RGN: variants seen among roughly 807,000 people sequenced by gnomAD.
The protein encoded by RGN is regucalcin, also known as epididymis secretory protein Li 41.
A neutral mutation model predicts 20.6 loss-of-function variants in RGN; 19 were observed. The ratio of observed to expected loss-of-function variants is 0.92; its 90% CI spans 0.64 to 1.35. The LOEUF is 1.35. Among genes scored for constraint, RGN ranks in the 40% most tolerant of loss-of-function variants. The pLI is 0.00. For synonymous variants in RGN, 85 were observed against 87.2 expected, an observed-to-expected ratio of 0.97 and a Z score of 0.14; for missense variants, 302 against 232.7, an observed-to-expected ratio of 1.30 and a Z score of -1.94.
intron 5 of RGN, among the ~76,000 whole-genome samples, chrX:47,090,961 A>AAAGAAAGAAGGAAGGAAAGAAAGAAAG (rs1556387549): frequency 4.7e-5 from 3 of 63,599 alleles, no homozygotes; most frequent in African/African-American, 1.9e-4. Context: ...AGAAAGAAAG[A>AAAGAAAGAAGGAAGGAAAGAAAGAAAG]AAGAAAGAAA....
In RGN at chrX:47,089,941, T is replaced by C; in HGVS notation, c.512T>C (p.Leu171Pro). Residue 171 changes from leucine (L) to proline (P), a missense_variant, in exon 5 of 8, where the codon CTG becomes CCG. Transcript: ENST00000397180. The stretch of plus-strand genomic sequence containing the variant: ...AAAATCTTCTATTACATTGACAGCC[T>C]GTCCTACTCCGTGGATGCCTTTGAC... ...DHKIFYYIDS[L>P]SYSVDAFDYD... 1 of 1,208,801 alleles carries C rather than the reference T, an allele frequency of 8.3e-7. No homozygotes were observed. The highest frequency in any genetic ancestry group is 1.8e-5 in the South Asian group (1 of 56,643).
In RGN at chrX:47,093,076, A is replaced by G. The variant is rs1931083298; in HGVS notation, c.*129A>G. 1 of 524,177 alleles carries G rather than the reference A, an allele frequency of 1.9e-6. No homozygotes were observed. Among genetic ancestry groups the G allele is most frequent in the Non-Finnish European group, 3.1e-6 (1 of 321,095 alleles). The allele number at this position is 524,177 out of a possible 1,213,427, so 43.2% of individuals were successfully genotyped here. On this transcript the variant is annotated 3_prime_UTR_variant, in exon 8 of 8. Coordinates refer to ENST00000397180, the MANE Select transcript of RGN (RefSeq NM_152869.4). Reference sequence around the variant, plus strand: ...TTAACAGCGTTAAGTTTTAATTTACAACTTTTAAAAGGCAGAGCATTTTTA... The same window carrying G: ...TTAACAGCGTTAAGTTTTAATTTACGACTTTTAAAAGGCAGAGCATTTTTA...
chrX:47,089,579 T>TA (rs1569540569), intron 4 of RGN, among the ~76,000 whole-genome samples, 197 bp from the exon 5 acceptor site: 2 of 44,129 alleles, frequency 4.5e-5, no homozygotes, highest in African/African-American at 8.3e-5. Flanking sequence ...TATATATACT[T>TA]TATATATATA....
intron 5 of RGN, among the ~76,000 whole-genome samples, chrX:47,090,256 AAT>A (rs1269922385): frequency 1.8e-5 from 2 of 111,174 alleles, no homozygotes; most frequent in Non-Finnish European, 3.8e-5. Context: ...AATTAATACA[AAT>A]ATGGGTAGAT....
At chrX:47,081,533 G>T (rs372919878) in intron 3 of RGN, among the ~76,000 whole-genome samples, 1,005 of 88,354 alleles carry the variant, frequency 0.011, 10 homozygotes, top group Non-Finnish European at 0.017. Flanking sequence ...GGGGGGGGGG[G>T]TGTTTTTGTT....
chrX:47,092,856 A>C, intron 7 of RGN, 41 bp from the exon 8 acceptor site: 1 of 1,113,669 alleles, frequency 9.0e-7, no homozygotes, highest in Non-Finnish European at 1.2e-6. Flanking sequence ...ATACTTGTGA[A>C]TTACCTTTCA....
intron 3 of RGN, among the ~76,000 whole-genome samples, chrX:47,083,947 G>T (rs1203355234): frequency 1.8e-5 from 2 of 110,098 alleles, no homozygotes; most frequent in Non-Finnish European, 3.8e-5. Flanking sequence ...TGCAAATCCT[G>T]GATTGGAGAG....
chrX:47,089,863 A>G lies in RGN; in HGVS notation c.434A>G (p.Lys145Arg), dbSNP rs782453942. ...CTCTTTCCTGATCACCACGTGAAAA[A>G]GTACTTTGACCAGGTGGACATTTCC... ...YSLFPDHHVKKYFDQVDISNG... is the reference protein window; with the variant it reads ...YSLFPDHHVKRYFDQVDISNG... Residue 145 changes from lysine (K) to arginine (R), a missense_variant, in exon 5 of 8, where the codon AAG becomes AGG. Physicochemically the swap from Lys to Arg is conservative, Grantham distance 26 (BLOSUM62 2). Transcript: ENST00000397180. 4.3e-5 allele frequency: 52 copies of G among 1,205,903 alleles called. No individual in the cohort carries two copies. The East Asian group carries it at 1.5e-3, about 34-fold the overall frequency.
intron 2 of RGN, 47 bp from the exon 3 acceptor site, chrX:47,081,083 T>G (rs1390133447): frequency 2.1e-6 from 2 of 967,688 alleles, no homozygotes; most frequent in Non-Finnish European, 2.9e-6. Context: ...TTTTACTGTA[T>G]TTGTTCTGTG....
intron 3 of RGN, among the ~76,000 whole-genome samples, chrX:47,081,593 G>T (rs1556381499): frequency 9.1e-6 from 1 of 109,534 alleles, no homozygotes; most frequent in Non-Finnish European, 1.9e-5. Context: ...TGTTGCCCTG[G>T]CTGGAGTGCC....
chrX:47,091,584 A>T, intron 5 of RGN, 94 bp from the exon 6 acceptor site: 1 of 993,918 alleles, frequency 1.0e-6, no homozygotes, highest in Non-Finnish European at 1.4e-6. Context: ...ATCTGTATTT[A>T]TAACCAGCTT....
rs1569540609 is a variant in RGN at position 47,089,821 on chromosome X, A to G, written c.392A>G (p.Gln131Arg). Residue 131 changes from glutamine (Q) to arginine (R), a missense_variant, in exon 5 of 8, where the codon CAG (glutamine) becomes CGG (arginine). Coordinates refer to ENST00000397180, the MANE Select transcript of RGN (RefSeq NM_152869.4). Reference protein sequence around the residue: ...ETAPAVLERHQGALYSLFPDH... With the variant: ...ETAPAVLERHRGALYSLFPDH... The stretch of plus-strand genomic sequence containing the variant: ...GCTCCAGCAGTTCTTGAGCGGCACC[A>G]GGGGGCCCTGTACTCCCTCTTTCCT... 2 of 1,208,046 alleles carry G rather than the reference A, an allele frequency of 1.7e-6. No individual in the cohort carries two copies. Among genetic ancestry groups the G allele is most frequent in the Non-Finnish European group, 2.2e-6 (2 of 894,345 alleles).
intron 7 of RGN, among the ~76,000 whole-genome samples, chrX:47,092,583 CTG>C (rs782801350): frequency 4.1e-4 from 46 of 112,008 alleles, no homozygotes; most frequent in African/African-American, 1.4e-3. Flanking sequence ...AGAATAAACA[CTG>C]ATAAAAATCG....
chrX:47,089,998 A>AT lies in RGN; in HGVS notation c.562+12dup, dbSNP rs1930871769. On this transcript the variant is annotated splice_region_variant and intron_variant, in intron 5 of 7. Coordinates refer to ENST00000397180, the MANE Select transcript of RGN (RefSeq NM_152869.4). ...CTGCAGACAGGACAGATCTGTATGT[A>AT]TTTTTCATTATTTGTCTCAGTGCTG... The AT allele has an allele frequency of 8.9e-7, 1 of 1,122,082 alleles. No individual in the cohort carries two copies. Among genetic ancestry groups the AT allele is most frequent in the Non-Finnish European group, 1.2e-6 (1 of 826,246 alleles). The allele number at this position is 1,122,082 out of a possible 1,213,427, so 92.5% of individuals were successfully genotyped here. A position where few individuals can be genotyped will look rare whatever the true frequency, so the allele number is the denominator to read the frequency against.
intron 5 of RGN, 124 bp from the exon 6 acceptor site, chrX:47,091,554 A>G: frequency 2.7e-6 from 2 of 734,434 alleles, no homozygotes; most frequent in Non-Finnish European, 3.9e-6. Context: ...CACATGCCAG[A>G]CACTGGATAA....
chrX:47,089,915 C>G lies in RGN; in HGVS notation c.486C>G (p.His162Gln), dbSNP rs782249178. The G allele has an allele frequency of 8.3e-7, 1 of 1,208,805 alleles. No individual in the cohort carries two copies. The highest frequency in any genetic ancestry group is 3.0e-5 in the East Asian group (1 of 33,788). ...ISNGLDWSLD[H>Q]KIFYYIDSLS... The stretch of plus-strand genomic sequence containing the variant: ...ATGGTTTGGATTGGTCGCTAGACCA[C>G]AAAATCTTCTATTACATTGACAGCC... Residue 162 changes from histidine to glutamine, a missense_variant, in exon 5 of 8, where the codon CAC becomes CAG. Coordinates refer to ENST00000397180, the MANE Select transcript of RGN (RefSeq NM_152869.4).
In RGN at chrX:47,080,548, T is replaced by C. The variant is rs189300619; in HGVS notation, c.-404T>C. ...GTTGGAAAATGTGTGTTAGTTCGAA[T>C]TCAGCGAGTTCTCATTGGGGTGAAC... On this transcript the variant is annotated 5_prime_UTR_variant, in exon 2 of 8. Coordinates refer to ENST00000397180, the MANE Select transcript of RGN (RefSeq NM_152869.4). 21 of 112,298 alleles carry C rather than the reference T, an allele frequency of 1.9e-4. No individual in the cohort carries two copies. The Admixed American group carries it at 1.9e-3, about 10-fold the overall frequency. The allele number at this position is 112,298 out of a possible 1,213,427, so 9.3% of individuals were successfully genotyped here.
At position 47,087,064 on chromosome X, in the gene RGN, C is replaced by G. The variant is rs1556384615; in HGVS notation, c.346+2464C>G. ...CATTCATTGATGATTCTTTCTTGAA[C>G]CAAAGTTTACTATGATGGTTGCAGA... is the stretch of plus-strand genomic sequence containing the variant. On this transcript the variant is annotated intron_variant, in intron 4 of 7. Transcript: ENST00000397180. 4.5e-5 allele frequency among the ~76,000 whole-genome samples: 5 copies of G among 111,671 alleles called. 1 individual carries two copies.
intron 4 of RGN, among the ~76,000 whole-genome samples, chrX:47,089,501 A>G (rs1396517036): frequency 5.5e-5 from 2 of 36,484 alleles, no homozygotes; most frequent in Non-Finnish European, 9.9e-5. Context: ...TACATATTAT[A>G]TATACTTATA....
Sources: allele counts gnomAD v4.1 joint callset (sites outside exome capture counted in the v4.1 genomes callset), GRCh38; gene constraint gnomAD v4.1.1; transcripts MANE v1.5; gene names NCBI Gene and HGNC (gene_info 2026-07-23, HGNC 2026-07-21).